The following DNAJC5 variants were observed in gnomAD, a reference collection of about 807,000 sequenced individuals.
The protein encoded by DNAJC5 is DnaJ heat shock protein family (Hsp40) member C5.
In DNAJC5, 1 loss-of-function variant was observed where a neutral mutation model predicts 23.2. That is an observed-to-expected ratio of 0.04 (90% CI 0.02 to 0.20). The LOEUF (loss-of-function observed/expected upper bound fraction) is 0.20, where lower values mean the gene tolerates loss of function less well. DNAJC5 is among the 10% of genes least tolerant of loss of function. DNAJC5 has a pLI of 1.00. For synonymous variants in DNAJC5, 136 were observed against 120.0 expected, an observed-to-expected ratio of 1.13 and a Z score of -0.87; for missense variants, 180 against 267.0, an observed-to-expected ratio of 0.67 and a Z score of 2.27.
chr20:63,922,333 C>T (rs537525314), intron 1 of DNAJC5, among the ~76,000 whole-genome samples: 189 of 151,994 alleles, frequency 1.2e-3, no homozygotes, highest in African/African-American at 4.4e-3. Context: ...TGTGGTGGCG[C>T]GCGCCTGTAA....
At chr20:63,904,013 C>G (rs1426392058) in intron 1 of DNAJC5, among the ~76,000 whole-genome samples, 1 of 152,098 alleles carries the variant, frequency 6.6e-6, no homozygotes, top group African/African-American at 2.4e-5. Flanking sequence ...GGGAGGATCC[C>G]TGGAGCCTGG....
rs2053708879 is a variant in DNAJC5 at position 63,935,275 on chromosome 20, A to G, written c.*3707A>G. 1 of 152,290 alleles carries G rather than the reference A, an allele frequency of 6.6e-6. No individual in the cohort carries two copies. Among genetic ancestry groups the G allele is most frequent in the African/African-American group, 2.4e-5 (1 of 41,460 alleles). The allele number at this position is 152,290 out of a possible 1,614,324, so 9.4% of individuals were successfully genotyped here. A position where few individuals can be genotyped will look rare whatever the true frequency, so the allele number is the denominator to read the frequency against. ...CCTGGTGAAGTGACAAGTACAATTAAAGGTGGCTCTGAAATGGCCTCTGGT... is the reference window on the plus strand; with the variant it reads ...CCTGGTGAAGTGACAAGTACAATTAGAGGTGGCTCTGAAATGGCCTCTGGT... On this transcript the variant is annotated 3_prime_UTR_variant, in exon 5 of 5. Coordinates refer to ENST00000360864, the MANE Select transcript of DNAJC5 (RefSeq NM_025219.3).
At chr20:63,908,462 C>T (rs2053461190) in intron 1 of DNAJC5, among the ~76,000 whole-genome samples, 1 of 152,198 alleles carries the variant, frequency 6.6e-6, no homozygotes. Context: ...AGCATCCTGT[C>T]AGTCCACTGT....
At chr20:63,921,463 T>C (rs1166141575) in intron 1 of DNAJC5, among the ~76,000 whole-genome samples, 5 of 151,504 alleles carry the variant, frequency 3.3e-5, no homozygotes, top group African/African-American at 4.8e-5. Flanking sequence ...TGGTGGCGGG[T>C]GCCTGTAGTC....
chr20:63,928,536 A>G lies in DNAJC5; in HGVS notation c.107+84A>G, dbSNP rs556936971. The stretch of plus-strand genomic sequence containing the variant: ...TTTAGTCTGCATTTTACCAAGAACC[A>G]TTGCACATACTTTATCCTGGCCGAC... On this transcript the variant is annotated intron_variant, in intron 2 of 4. Transcript: ENST00000360864. The surrounding 1 kb of genome is among the most constrained non-coding windows in gnomAD (Gnocchi z 4.6). 1.7e-6 allele frequency: 2 copies of G among 1,155,712 alleles called. No individual in the cohort carries two copies. The highest frequency in any genetic ancestry group is 1.3e-6 in the Non-Finnish European group (1 of 769,612). 71.6% of individuals were successfully genotyped at this position (1,155,712 alleles called of 1,614,324 possible).
chr20:63,899,552 T>C (rs2053395945), intron 1 of DNAJC5, among the ~76,000 whole-genome samples: 1 of 152,268 alleles, frequency 6.6e-6, no homozygotes, highest in South Asian at 2.1e-4. Context: ...ATATTTCAAA[T>C]TGAAATTGCA....
chr20:63,898,333 G>C (rs1436871882), intron 1 of DNAJC5, among the ~76,000 whole-genome samples: 2 of 152,186 alleles, frequency 1.3e-5, no homozygotes, highest in African/African-American at 2.4e-5. Flanking sequence ...CAGGCAGTAA[G>C]GTGAATGTGA....
At chr20:63,895,691 G>T (rs1179193516) in intron 1 of DNAJC5, among the ~76,000 whole-genome samples, 5 of 152,104 alleles carry the variant, frequency 3.3e-5, no homozygotes, top group Admixed American at 2.0e-4. Flanking sequence ...CCTGCGGGGG[G>T]ACTGGAGAAG....
chr20:63,926,984 G>C (rs369446502), intron 1 of DNAJC5, among the ~76,000 whole-genome samples: 2 of 152,254 alleles, frequency 1.3e-5, no homozygotes, highest in African/African-American at 4.8e-5. Flanking sequence ...CATGTTAGCC[G>C]GAGGTGTGTT....
chr20:63,896,516 C>G (rs1342354119), intron 1 of DNAJC5, among the ~76,000 whole-genome samples: 4 of 152,140 alleles, frequency 2.6e-5, no homozygotes, highest in Non-Finnish European at 4.4e-5. Context: ...TCTGAGTCCA[C>G]CCACCCTCAG....
At chr20:63,905,393 G>C (rs939548302) in intron 1 of DNAJC5, among the ~76,000 whole-genome samples, 3 of 152,086 alleles carry the variant, frequency 2.0e-5, no homozygotes, top group Admixed American at 1.3e-4. Flanking sequence ...TGGGATTGCA[G>C]GTGTGAGCCA....
At chr20:63,903,398 C>T (rs1198122825) in intron 1 of DNAJC5, among the ~76,000 whole-genome samples, 2 of 152,182 alleles carry the variant, frequency 1.3e-5, no homozygotes, top group South Asian at 4.1e-4. Context: ...ACCTCCGCCT[C>T]CTGGGTTCAA....
intron 1 of DNAJC5, among the ~76,000 whole-genome samples, chr20:63,895,809 T>C (rs2053371657): frequency 6.6e-6 from 1 of 152,248 alleles, no homozygotes; most frequent in Non-Finnish European, 1.5e-5. Context: ...AATTAATCTT[T>C]CCGACGTTGT....
At chr20:63,910,270 C>T (rs948234590) in intron 1 of DNAJC5, among the ~76,000 whole-genome samples, 17 of 151,656 alleles carry the variant, frequency 1.1e-4, no homozygotes, top group African/African-American at 3.9e-4. Flanking sequence ...GCTGGCCGGG[C>T]GCGGTGGCTC....
intron 1 of DNAJC5, among the ~76,000 whole-genome samples, chr20:63,908,102 G>A (rs974213686): frequency 1.3e-5 from 2 of 152,168 alleles, no homozygotes; most frequent in African/African-American, 4.8e-5. Context: ...GCTTGTTAGG[G>A]TTAAATTGGT....
rs557201548 is a variant in DNAJC5 at position 63,898,155 on chromosome 20, C to T, written c.-12+2832C>T. Among the ~76,000 whole-genome samples the T allele has an allele frequency of 4.6e-5, 7 of 152,300 alleles. No homozygotes were observed. In the South Asian group the frequency reaches 8.3e-4, roughly 18 times the overall value. On this transcript the variant is annotated intron_variant, in intron 1 of 4. Transcript: ENST00000360864. ...AAGTATTTGGCATCACCAGGAAGAG[C>T]CCTGTACAAGGTGCTGGTGGTTTTA... is the stretch of plus-strand genomic sequence containing the variant.
Position 63,928,544 on chromosome 20 carries a change from T to G in DNAJC5, c.107+92T>G, listed in dbSNP as rs888017526. The G allele has an allele frequency of 9.3e-7, 1 of 1,077,300 alleles. No individual in the cohort carries two copies. The highest frequency in any genetic ancestry group is 1.4e-6 in the Non-Finnish European group (1 of 701,794). 66.7% of individuals were successfully genotyped at this position (1,077,300 alleles called of 1,614,324 possible). ...GCATTTTACCAAGAACCATTGCACA[T>G]ACTTTATCCTGGCCGACTCAGCGTT... On this transcript the variant is annotated intron_variant, in intron 2 of 4. Coordinates refer to ENST00000360864, the MANE Select transcript of DNAJC5 (RefSeq NM_025219.3). The surrounding 1 kb of genome is among the most constrained non-coding windows in gnomAD (Gnocchi z 4.6).
intron 1 of DNAJC5, among the ~76,000 whole-genome samples, chr20:63,906,485 C>T (rs1465500375): frequency 1.3e-5 from 2 of 150,518 alleles, no homozygotes; most frequent in African/African-American, 2.5e-5. Flanking sequence ...AAGACTCTGT[C>T]TTAATAAATA....
intron 1 of DNAJC5, among the ~76,000 whole-genome samples, chr20:63,902,162 C>T (rs1360408142): frequency 6.6e-6 from 1 of 151,820 alleles, no homozygotes; most frequent in African/African-American, 2.4e-5. Context: ...TCACGCCATT[C>T]CCCTGCCTCA....
Sources: gnomAD v4.1 joint callset for allele counts (sites outside exome capture counted in the v4.1 genomes callset) on GRCh38, gnomAD v4.1.1 for gene constraint, Gnocchi (gnomAD v3.1) non-coding constraint, MANE v1.5 for transcripts, NCBI Gene and HGNC (gene_info 2026-07-23, HGNC 2026-07-21) for gene names.